PRELID2: variants seen among roughly 807,000 people sequenced by gnomAD.
PRELID2 encodes PRELI domain containing 2.
Under a neutral mutation model 28.4 loss-of-function variants are expected in PRELID2, and 25 were observed. That is an observed-to-expected ratio of 0.88 (90% CI 0.64 to 1.23). The LOEUF (loss-of-function observed/expected upper bound fraction) is 1.23. PRELID2 is among the 50% of genes most tolerant of loss of function. The probability of loss-of-function intolerance (pLI) is 0.00; values close to 1 mark genes in which losing one functional copy is unlikely to be tolerated. For missense variants in PRELID2, 201 were observed against 214.4 expected, an observed-to-expected ratio of 0.94 and a Z score of 0.39; for synonymous variants, 76 against 71.6, an observed-to-expected ratio of 1.06 and a Z score of -0.31.
chr5:145,442,367 G>A, the PRELID2 span, among the ~76,000 whole-genome samples: 1 of 152,040 alleles, frequency 6.6e-6, no homozygotes, highest in East Asian at 1.9e-4. Context: ...CATCCAGCCA[G>A]CAAGCTTGAT....
the PRELID2 span, among the ~76,000 whole-genome samples, chr5:145,244,835 A>T: frequency 6.6e-6 from 1 of 152,106 alleles, no homozygotes; most frequent in Non-Finnish European, 1.5e-5. Flanking sequence ...ATGCAAAAAA[A>T]TTTTGCCTAT....
chr5:145,601,734 T>C (rs1466622374), intron 1 of PRELID2, among the ~76,000 whole-genome samples: 2 of 152,224 alleles, frequency 1.3e-5, no homozygotes, highest in Non-Finnish European at 2.9e-5. Flanking sequence ...GAGACTGATG[T>C]GTAACTTTGA....
At chr5:145,361,385 A>G in the PRELID2 span, among the ~76,000 whole-genome samples, 1 of 152,032 alleles carries the variant, frequency 6.6e-6, no homozygotes, top group African/African-American at 2.4e-5. Flanking sequence ...AAATAACACA[A>G]TTTTCATGAT....
chr5:145,369,533 T>G, the PRELID2 span, among the ~76,000 whole-genome samples: 3 of 152,178 alleles, frequency 2.0e-5, no homozygotes, highest in Non-Finnish European at 4.4e-5. Context: ...GTTGGGCATT[T>G]CAGTTGGTCC....
At chr5:145,794,609 A>C (rs932923954) in intron 5 of PRELID2, among the ~76,000 whole-genome samples, 11 of 152,130 alleles carry the variant, frequency 7.2e-5, no homozygotes, top group African/African-American at 2.7e-4. Context: ...CAAAGCAGGT[A>C]CTCAATATAT....
Position 145,817,960 on chromosome 5 carries a change from G to C in PRELID2, c.302C>G (p.Thr101Arg), listed in dbSNP as rs746756553. Residue 101 changes from threonine to arginine, a missense_variant, in exon 4 of 7, where the codon ACG becomes AGG. By Grantham distance (71) the Thr-to-Arg change is moderately conservative. Transcript: ENST00000683046. The stretch of plus-strand genomic sequence containing the variant: ...CTTCATGGATGCATACTGTGTCCAC[G>C]TAAGGCAGTGACTCCGTATGGCCAT... ...RNMAIRSHCL[T>R]WTQYASMKEE... 3.7e-6 allele frequency: 6 copies of C among 1,605,520 alleles called. No individual in the cohort carries two copies. Among genetic ancestry groups the C allele is most frequent in the African/African-American group, 1.3e-5 (1 of 74,268 alleles).
At chr5:145,284,545 G>T in the PRELID2 span, among the ~76,000 whole-genome samples, 1 of 151,926 alleles carries the variant, frequency 6.6e-6, no homozygotes. Flanking sequence ...GCCTCTATCT[G>T]TTGAAGTCTA....
chr5:145,675,312 T>C (rs548305060), intron 1 of PRELID2, among the ~76,000 whole-genome samples: 1 of 143,284 alleles, frequency 7.0e-6, no homozygotes, highest in Non-Finnish European at 1.5e-5. Flanking sequence ...TTACTAATAA[T>C]AAAATAAATG....
intron 1 of PRELID2, among the ~76,000 whole-genome samples, chr5:145,590,876 C>T (rs951486811): frequency 2.6e-5 from 4 of 152,180 alleles, no homozygotes; most frequent in African/African-American, 7.2e-5. Context: ...AGAATGGACA[C>T]TGTCTAGACT....
chr5:145,319,313 T>C, the PRELID2 span, among the ~76,000 whole-genome samples: 8 of 152,232 alleles, frequency 5.3e-5, no homozygotes, highest in Admixed American at 5.2e-4. Flanking sequence ...AAGAAAGTGG[T>C]GTCCACCCCT....
At chr5:145,667,219 A>T (rs1052230736) in intron 1 of PRELID2, among the ~76,000 whole-genome samples, 1 of 151,898 alleles carries the variant, frequency 6.6e-6, no homozygotes. Context: ...TTTAGTGGAT[A>T]TTTTTTTCTT....
the PRELID2 span, among the ~76,000 whole-genome samples, chr5:145,459,098 C>G: frequency 1.3e-5 from 2 of 152,156 alleles, no homozygotes; most frequent in African/African-American, 4.8e-5. Context: ...TCCGACTGAT[C>G]TTCATCTTGA....
intron 1 of PRELID2, among the ~76,000 whole-genome samples, chr5:145,688,413 A>C (rs1272792687): frequency 6.6e-6 from 1 of 152,200 alleles, no homozygotes; most frequent in East Asian, 1.9e-4. Flanking sequence ...GAAATTTTCT[A>C]AGGAAGTCCT....
the PRELID2 span, among the ~76,000 whole-genome samples, chr5:145,313,155 G>A: frequency 6.6e-6 from 1 of 152,086 alleles, no homozygotes; most frequent in Non-Finnish European, 1.5e-5. Flanking sequence ...AGATAGCAAG[G>A]TTCTACAGAA....
chr5:145,412,308 AC>A, the PRELID2 span, among the ~76,000 whole-genome samples: 26 of 152,270 alleles, frequency 1.7e-4, no homozygotes, highest in African/African-American at 6.0e-4. Flanking sequence ...AAATTCTTTT[AC>A]CAGATACCCT....
At chr5:145,548,691 C>T (rs1752807524) in intron 1 of PRELID2, among the ~76,000 whole-genome samples, 1 of 152,184 alleles carries the variant, frequency 6.6e-6, no homozygotes, top group African/African-American at 2.4e-5. Context: ...TATCTCTCCC[C>T]TAGATGGCTG....
rs147568844 is a variant in PRELID2 at position 145,698,383 on chromosome 5, C to T, written n.70+66548G>A. ...ATAGTCTACAGGAGAAGAGAGAACTCAAATAAACACAAGTAACTAAATATA... is the reference window on the plus strand; with the variant it reads ...ATAGTCTACAGGAGAAGAGAGAACTTAAATAAACACAAGTAACTAAATATA... On this transcript the variant is annotated intron_variant and non_coding_transcript_variant, in intron 1 of 2. Transcript: ENST00000510259. Among the ~76,000 whole-genome samples the T allele has an allele frequency of 5.9e-3, 905 of 152,252 alleles. 13 individuals carry two copies. Among genetic ancestry groups the T allele is most frequent in the African/African-American group, 0.02 (839 of 41,546 alleles).
intron 1 of PRELID2, among the ~76,000 whole-genome samples, chr5:145,524,912 G>A (rs1028987760): frequency 5.9e-5 from 9 of 152,208 alleles, no homozygotes; most frequent in Middle Eastern, 3.4e-3. Flanking sequence ...AGTGCACATC[G>A]GACCCCTACC....
In PRELID2 at chr5:145,757,944, A is replaced by G. The variant is rs1335964035; in HGVS notation, c.*2592T>C. Among the ~76,000 whole-genome samples, 1 of 152,162 alleles carries G rather than the reference A, an allele frequency of 6.6e-6. No individual in the cohort carries two copies. Among genetic ancestry groups the G allele is most frequent in the East Asian group, 1.9e-4 (1 of 5,184 alleles). ...CCCTGAGGATTATTTAGGAATGAGGAGGAAGATACATCTAAAAGTAGTCTT... is the reference window on the plus strand; with the variant it reads ...CCCTGAGGATTATTTAGGAATGAGGGGGAAGATACATCTAAAAGTAGTCTT... On this transcript the variant is annotated 3_prime_UTR_variant, in exon 7 of 7. Transcript: ENST00000683046.
Sources: allele counts gnomAD v4.1 joint callset (sites outside exome capture counted in the v4.1 genomes callset), GRCh38; gene constraint gnomAD v4.1.1; transcripts MANE v1.5; gene names NCBI Gene and HGNC (gene_info 2026-07-23, HGNC 2026-07-21).